Variants in EHD4 observed in about 807,000 individuals in gnomAD.
The protein encoded by EHD4 is EH domain-containing protein 4.
Under a neutral mutation model 51.0 loss-of-function variants are expected in EHD4, and 37 were observed. The observed-to-expected ratio is 0.73, with a 90% CI of 0.56 to 0.95. EHD4 has a LOEUF of 0.95. Ranked by LOEUF, EHD4 falls within the 40% of genes least tolerant of loss-of-function variation. The pLI is 0.00. For synonymous variants in EHD4, 297 were observed against 317.3 expected (o/e 0.94, Z 0.68); for missense variants, 632 against 733.1 (o/e 0.86, Z 1.59).
rs528961424 is a variant in EHD4 at position 41,963,445 on chromosome 15, C to G, written c.236+8814G>C. Among the ~76,000 whole-genome samples the G allele has an allele frequency of 1.2e-3, 176 of 151,426 alleles. 5 individuals are homozygous for G. The South Asian group carries it at 0.035, about 30-fold the overall frequency. ...AAAACCTTGTCTCTACTAAAAAATA[C>G]AAAAATTAGCCAGGCATGGTGGCCC... On this transcript the variant is annotated intron_variant, in intron 1 of 5. Coordinates refer to ENST00000220325, the MANE Select transcript of EHD4 (RefSeq NM_139265.4).
chr15:41,902,424 G>A (rs956850273), intron 5 of EHD4, among the ~76,000 whole-genome samples: 2 of 152,106 alleles, frequency 1.3e-5, no homozygotes, highest in African/African-American at 2.4e-5. Flanking sequence ...CATTTACTCT[G>A]CACCAGCCCC....
chr15:41,899,359 G>A lies in EHD4; in HGVS notation c.*1286C>T, dbSNP rs1346661327. On this transcript the variant is annotated 3_prime_UTR_variant, in exon 6 of 6. Coordinates refer to ENST00000220325, the MANE Select transcript of EHD4 (RefSeq NM_139265.4). ...GAGGTTTACTCAGGGGATTTGGGGA[G>A]CGCACACTCTGGAGCAGAAGTACAG... 6.6e-6 allele frequency: 1 copy of A among 152,200 alleles called. No individual in the cohort carries two copies. Among genetic ancestry groups the A allele is most frequent in the Non-Finnish European group, 1.5e-5 (1 of 68,036 alleles). The allele number at this position is 152,200 out of a possible 1,614,324, so 9.4% of individuals were successfully genotyped here.
intron 1 of EHD4, 141 bp from the exon 2 acceptor site, chr15:41,954,081 C>T: frequency 1.1e-6 from 1 of 907,272 alleles, no homozygotes; most frequent in Non-Finnish European, 1.7e-6. Flanking sequence ...CGCAATCCTC[C>T]TCTGCATTTC....
rs10522331 is a variant in EHD4, at chr15:41,907,824, C to CTGTGTGTG, written c.1089+1867_1089+1874dup. ...AGGTGTGAGCCACTGCGCCCAGGCT[C>CTGTGTGTG]TGTGTGTGTGTGTGTGTGTGTGTGT... On this transcript the variant is annotated intron_variant, in intron 5 of 5. Coordinates refer to ENST00000220325, the MANE Select transcript of EHD4 (RefSeq NM_139265.4). Among the ~76,000 whole-genome samples, 714 of 132,046 alleles carry CTGTGTGTG rather than the reference C, an allele frequency of 5.4e-3. 5 individuals carry two copies. The highest frequency in any genetic ancestry group is 0.013 in the Admixed American group (161 of 12,572). 86.6% of individuals were successfully genotyped at this position (132,046 alleles called of 152,430 possible). A position where few individuals can be genotyped will look rare whatever the true frequency, so the allele number is the denominator to read the frequency against.
At chr15:41,905,001 T>C (rs1201477101) in intron 5 of EHD4, among the ~76,000 whole-genome samples, 1 of 152,220 alleles carries the variant, frequency 6.6e-6, no homozygotes, top group Non-Finnish European at 1.5e-5. Flanking sequence ...ACAGGGAGAA[T>C]AACAACCTAA....
intron 3 of EHD4, among the ~76,000 whole-genome samples, chr15:41,920,636 A>C (rs921918406): frequency 6.6e-6 from 1 of 152,126 alleles, no homozygotes; most frequent in African/African-American, 2.4e-5. Context: ...CTACCACATA[A>C]TTTTAACAAA....
intron 1 of EHD4, among the ~76,000 whole-genome samples, chr15:41,963,585 G>A (rs1364522890): frequency 4.8e-5 from 7 of 145,700 alleles, no homozygotes; most frequent in African/African-American, 1.5e-4. Context: ...GGTGGACAGA[G>A]TGAGAGTCTG....
At chr15:41,954,909 C>T (rs1489060336) in intron 1 of EHD4, among the ~76,000 whole-genome samples, 4 of 152,228 alleles carry the variant, frequency 2.6e-5, no homozygotes, top group Non-Finnish European at 4.4e-5. Context: ...GGATTACAGG[C>T]ATGAGCCACC....
chr15:41,900,707 TG>T lies in EHD4; in HGVS notation c.1563del (p.Ser522AlafsTer42). 3 of 1,609,234 alleles carry T rather than the reference TG, an allele frequency of 1.9e-6. No homozygotes were observed. Among genetic ancestry groups the T allele is most frequent in the Middle Eastern group, 1.7e-4 (1 of 6,058 alleles). ...GGCACGAGGTGGGGGGGCAGGCTGC[TG>T]GGCAGCTCGTAGCCGTCGAGCTTGA... ...IKIKLDGYEL[P>X]SSLPPHLVPP... On this transcript the variant is annotated frameshift_variant, in exon 6 of 6. Coordinates refer to ENST00000220325, the MANE Select transcript of EHD4 (RefSeq NM_139265.4). LOFTEE classifies it high-confidence loss of function. This position sits in a 1 kb window ranked among gnomAD's most constrained non-coding sequence, Gnocchi z 4.8.
chr15:41,964,374 G>A lies in EHD4; in HGVS notation c.236+7885C>T, dbSNP rs561168807. On this transcript the variant is annotated intron_variant, in intron 1 of 5. Transcript: ENST00000220325. ...ACTTTGGACTTTGGGAGGCCAAGGC[G>A]TGAGGATCGCTTGAGCTCAGGAGTT... is the stretch of plus-strand genomic sequence containing the variant. Among the ~76,000 whole-genome samples the A allele has an allele frequency of 8.5e-5, 13 of 152,272 alleles. No individual in the cohort carries two copies. The South Asian group carries it at 2.3e-3, about 27-fold the overall frequency.
intron 2 of EHD4, among the ~76,000 whole-genome samples, chr15:41,948,595 A>G (rs2067830942): frequency 6.6e-6 from 1 of 152,206 alleles, no homozygotes; most frequent in Non-Finnish European, 1.5e-5. Context: ...GTGAATCAAG[A>G]GTCATTCTTG....
At position 41,909,596 on chromosome 15, in the gene EHD4, G is replaced by A. The variant is rs2067535239; in HGVS notation, c.1089+103C>T. The A allele has an allele frequency of 2.2e-6, 3 of 1,353,548 alleles. No individual in the cohort carries two copies. The South Asian group carries it at 3.9e-5, about 18-fold the overall frequency. The allele number at this position is 1,353,548 out of a possible 1,614,324, so 83.8% of individuals were successfully genotyped here. On this transcript the variant is annotated intron_variant, in intron 5 of 5. Coordinates refer to ENST00000220325, the MANE Select transcript of EHD4 (RefSeq NM_139265.4). ...ACCATTAGGAAGATGCGTTGTCCTTGATCCTAAACCATGGGACTCTCATTT... is the reference window on the plus strand; with the variant it reads ...ACCATTAGGAAGATGCGTTGTCCTTAATCCTAAACCATGGGACTCTCATTT...
At chr15:41,922,904 G>GT (rs2067636541) in intron 3 of EHD4, among the ~76,000 whole-genome samples, 1 of 152,178 alleles carries the variant, frequency 6.6e-6, no homozygotes, top group South Asian at 2.1e-4. Context: ...CTGAGCAGGT[G>GT]TAAGAGGACG....
intron 3 of EHD4, among the ~76,000 whole-genome samples, chr15:41,931,543 A>C (rs182989397): frequency 1.3e-5 from 2 of 152,358 alleles, no homozygotes; most frequent in African/African-American, 4.8e-5. Context: ...AAAATAAAGT[A>C]AAATTAAATT....
Position 41,950,980 on chromosome 15 carries a change from G to A in EHD4, c.413+2784C>T, listed in dbSNP as rs114749624. On this transcript the variant is annotated intron_variant, in intron 2 of 5. Coordinates refer to ENST00000220325, the MANE Select transcript of EHD4 (RefSeq NM_139265.4). ...CGTCATCTTCATCATCATTACTGGA[G>A]GGCTACATTAGGAACAGCCTTACTA... 3.6e-3 allele frequency among the ~76,000 whole-genome samples: 541 copies of A among 152,202 alleles called. 9 individuals are homozygous for A. The highest frequency in any genetic ancestry group is 0.012 in the African/African-American group (510 of 41,524).
chr15:41,949,225 C>A (rs1289101318), intron 2 of EHD4, among the ~76,000 whole-genome samples: 2 of 151,336 alleles, frequency 1.3e-5, no homozygotes, highest in East Asian at 3.9e-4. Flanking sequence ...CAAAAAGTAG[C>A]TGGGCATGGA....
chr15:41,907,824 C>CTGTGTGTGTGTGTGTG (rs10522331), intron 5 of EHD4, among the ~76,000 whole-genome samples: 24 of 132,116 alleles, frequency 1.8e-4, no homozygotes, highest in Non-Finnish European at 2.2e-4. Flanking sequence ...CGCCCAGGCT[C>CTGTGTGTGTGTGTGTG]TGTGTGTGTG....
At chr15:41,945,200 G>A (rs555721787) in intron 2 of EHD4, among the ~76,000 whole-genome samples, 39 of 152,286 alleles carry the variant, frequency 2.6e-4, no homozygotes, top group African/African-American at 9.4e-4. Context: ...AACCATTCCC[G>A]TGGACAGGCT....
chr15:41,954,182 G>A (rs1193508278), intron 1 of EHD4, among the ~76,000 whole-genome samples: 1 of 152,118 alleles, frequency 6.6e-6, no homozygotes, highest in Admixed American at 6.5e-5. Context: ...CTCCCTTAGG[G>A]GAGCCTCCCT....
Sources: gnomAD v4.1 joint callset for allele counts (sites outside exome capture counted in the v4.1 genomes callset) on GRCh38, gnomAD v4.1.1 for gene constraint, Gnocchi (gnomAD v3.1) non-coding constraint, MANE v1.5 for transcripts, NCBI Gene and HGNC (gene_info 2026-07-23, HGNC 2026-07-21) for gene names.